The following HIF1A variants were observed in gnomAD, a reference collection of about 807,000 sequenced individuals.
HIF1A encodes hypoxia inducible factor 1 subunit alpha.
HIF1A carries 24 observed loss-of-function variants against 92.7 expected under a neutral mutation model. That is an observed-to-expected ratio of 0.26 (90% CI 0.19 to 0.36). The LOEUF is 0.36. HIF1A is among the 10% of genes least tolerant of loss of function. The pLI, the probability that HIF1A is intolerant of heterozygous loss-of-function variation, is 1.00. For missense variants in HIF1A, 799 were observed against 998.5 expected (o/e 0.80, Z 2.69); for synonymous variants, 319 against 338.7 (o/e 0.94, Z 0.64).
intron 7 of HIF1A, 23 bp from the exon 8 acceptor site, chr14:61,734,115 A>T (rs2044607609): frequency 6.7e-7 from 1 of 1,490,590 alleles, no homozygotes; most frequent in South Asian, 1.3e-5. Context: ...TCTCTGCATG[A>T]TTCTTTTTCT....
chr14:61,726,381 T>A (rs1415889452), intron 4 of HIF1A: 1 of 168,586 alleles, frequency 5.9e-6, no homozygotes, highest in East Asian at 1.6e-4. Context: ...GGGATTCTTG[T>A]GTACCGATAG....
At chr14:61,728,825 T>C (rs570446108) in intron 6 of HIF1A, among the ~76,000 whole-genome samples, 77 of 152,316 alleles carry the variant, frequency 5.1e-4, no homozygotes, top group African/African-American at 1.8e-3. Context: ...AAAGTGGGTG[T>C]CCTAATGTGA....
intron 1 of HIF1A, 47 bp from the exon 2 acceptor site, chr14:61,720,335 C>T (rs763396381): frequency 2.8e-6 from 4 of 1,414,544 alleles, no homozygotes; most frequent in Non-Finnish European, 3.9e-6. Flanking sequence ...GGCAAACTAA[C>T]TTGTATACAC....
chr14:61,746,397 T>TC (rs1180222702), intron 14 of HIF1A, among the ~76,000 whole-genome samples: 10 of 7,832 alleles, frequency 1.3e-3, no homozygotes, highest in African/African-American at 2.4e-3. Flanking sequence ...GACTTCTTTT[T>TC]TTTTTTTTTT....
At chr14:61,729,802 T>G (rs1477234418) in intron 6 of HIF1A, among the ~76,000 whole-genome samples, 2 of 151,958 alleles carry the variant, frequency 1.3e-5, no homozygotes, top group Non-Finnish European at 2.9e-5. Context: ...ATTAGCAAAA[T>G]GATCATGACA....
At chr14:61,703,059 C>T (rs905258218) in intron 1 of HIF1A, among the ~76,000 whole-genome samples, 1 of 152,032 alleles carries the variant, frequency 6.6e-6, no homozygotes, top group East Asian at 1.9e-4. Context: ...GTCTGTTTTA[C>T]CATTACTGCC....
chr14:61,732,500 C>T lies in HIF1A; in HGVS notation c.856C>T (p.His286Tyr), dbSNP rs755050964. 15 of 1,604,600 alleles carry T rather than the reference C, an allele frequency of 9.3e-6. No homozygotes were observed. Among genetic ancestry groups the T allele is most frequent in the East Asian group, 2.2e-5 (1 of 44,758 alleles). ...YEYYHALDSD[H>Y]LTKTHHDMFT... ...ATATTATCATGCTTTGGACTCTGATCATCTGACCAAAACTCATCATGATAG... is the reference window on the plus strand; with the variant it reads ...ATATTATCATGCTTTGGACTCTGATTATCTGACCAAAACTCATCATGATAG... Residue 286 changes from histidine to tyrosine, a missense_variant, in exon 7 of 15, where the codon CAT becomes TAT. Around this residue, in one of 2 missense-constraint regions of HIF1A, gnomAD observed 516 missense variants for 721.0 expected, o/e 0.72. Coordinates refer to ENST00000337138, the MANE Select transcript of HIF1A (RefSeq NM_001530.4).
chr14:61,705,419 A>T (rs2044228801), intron 1 of HIF1A, among the ~76,000 whole-genome samples: 2 of 150,854 alleles, frequency 1.3e-5, no homozygotes, highest in Non-Finnish European at 3.0e-5. Flanking sequence ...CTTTAACTCT[A>T]TTAAACAAAG....
chr14:61,742,617 G>T (rs1442453701), intron 12 of HIF1A, among the ~76,000 whole-genome samples: 1 of 152,102 alleles, frequency 6.6e-6, no homozygotes, highest in Admixed American at 6.5e-5. Context: ...AGGGCGCAGT[G>T]GCTCATCACT....
In HIF1A at chr14:61,747,281, G is replaced by C; in HGVS notation, c.*196G>C. 2.5e-6 allele frequency: 1 copy of C among 398,656 alleles called. No individual in the cohort carries two copies. The highest frequency in any genetic ancestry group is 4.4e-6 in the Non-Finnish European group (1 of 226,138). 24.7% of individuals were successfully genotyped at this position (398,656 alleles called of 1,614,324 possible). A position where few individuals can be genotyped will look rare whatever the true frequency, so the allele number is the denominator to read the frequency against. On this transcript the variant is annotated 3_prime_UTR_variant, in exon 15 of 15. Coordinates refer to ENST00000337138, the MANE Select transcript of HIF1A (RefSeq NM_001530.4). ...GTATGTTCTTTAATGCTGGATCACAGACAGCTCATTTTCTCAGTTTTTTGG... is the reference window on the plus strand; with the variant it reads ...GTATGTTCTTTAATGCTGGATCACACACAGCTCATTTTCTCAGTTTTTTGG...
chr14:61,745,788 A>G lies in HIF1A; in HGVS notation c.2300A>G (p.Glu767Gly). ...GCKSSEQNGM[E>G]QKTIILIPSD... ...AAATCTAGTGAACAGAATGGAATGG[A>G]GCAAAAGACAATTATTTTAATACCC... Residue 767 changes from glutamate to glycine, a missense_variant, in exon 14 of 15, where the codon GAG (glutamate) becomes GGG (glycine). Transcript: ENST00000337138. 6.2e-7 allele frequency: 1 copy of G among 1,612,168 alleles called. No homozygotes were observed. The highest frequency in any genetic ancestry group is 8.5e-7 in the Non-Finnish European group (1 of 1,178,536).
intron 7 of HIF1A, 107 bp downstream of exon 7, chr14:61,732,631 T>C (rs1012202208): frequency 2.8e-5 from 19 of 670,268 alleles, no homozygotes; most frequent in African/African-American, 2.7e-4. Flanking sequence ...CTAGACTAAA[T>C]GTGTTAACAG....
chr14:61,695,541 A>G lies in HIF1A; in HGVS notation c.-264A>G. On this transcript the variant is annotated 5_prime_UTR_variant, in exon 1 of 15. Transcript: ENST00000337138. ...GCACAGTGCTGCCTCGTCTGAGGGG[A>G]CAGGAGGATCACCCTCTTCGTCGCT... 2.0e-6 allele frequency: 1 copy of G among 506,460 alleles called. No homozygotes were observed. The highest frequency in any genetic ancestry group is 3.5e-6 in the Non-Finnish European group (1 of 283,622). 31.4% of individuals were successfully genotyped at this position (506,460 alleles called of 1,614,324 possible). A position where few individuals can be genotyped will look rare whatever the true frequency, so the allele number is the denominator to read the frequency against.
intron 1 of HIF1A, among the ~76,000 whole-genome samples, chr14:61,706,399 T>C (rs2044239773): frequency 6.6e-6 from 1 of 152,188 alleles, no homozygotes; most frequent in African/African-American, 2.4e-5. Flanking sequence ...TAAGGCAAAG[T>C]TTTACTAAAC....
chr14:61,709,362 A>C (rs1220420345), intron 1 of HIF1A, among the ~76,000 whole-genome samples: 3 of 152,244 alleles, frequency 2.0e-5, no homozygotes, highest in Non-Finnish European at 4.4e-5. Flanking sequence ...AAACACATGG[A>C]AAAGTATTAG....
intron 1 of HIF1A, 25 bp downstream of exon 1, chr14:61,695,864 G>A (rs1338646459): frequency 6.4e-7 from 1 of 1,558,280 alleles, no homozygotes; most frequent in South Asian, 1.2e-5. Context: ...TCGGCCCGCC[G>A]CCTTCTCCCC....
intron 6 of HIF1A, among the ~76,000 whole-genome samples, chr14:61,731,453 C>T (rs998378543): frequency 3.9e-5 from 6 of 152,156 alleles, no homozygotes; most frequent in Admixed American, 2.0e-4. Flanking sequence ...GGATTGTTTT[C>T]CAATCTATTT....
At position 61,734,160 on chromosome 14, in the gene HIF1A, C is replaced by A; in HGVS notation, c.903C>A (p.Thr301=). ...TAGTGTTTACTAAAGGACAAGTCAC[C>A]ACAGGACAGTACAGGATGCTTGCCA... ...HHDMFTKGQV[T]TGQYRMLAKR... is the part of the protein sequence containing the mutation. Residue 301 remains threonine, a synonymous_variant, in exon 8 of 15, where the codon ACC becomes ACA. Coordinates refer to ENST00000337138, the MANE Select transcript of HIF1A (RefSeq NM_001530.4). The A allele has an allele frequency of 6.2e-7, 1 of 1,604,904 alleles. No individual in the cohort carries two copies. The highest frequency in any genetic ancestry group is 1.7e-5 in the Admixed American group (1 of 58,656).
At chr14:61,729,843 T>G (rs928274959) in intron 6 of HIF1A, among the ~76,000 whole-genome samples, 2 of 152,138 alleles carry the variant, frequency 1.3e-5, no homozygotes, top group African/African-American at 4.8e-5. Flanking sequence ...CCAGCTCATA[T>G]ATCAACCAAG....
Sources: allele counts gnomAD v4.1 joint callset (sites outside exome capture counted in the v4.1 genomes callset), GRCh38; gene constraint gnomAD v4.1.1; regional missense constraint gnomAD v4.1.1; transcripts MANE v1.5; gene names NCBI Gene and HGNC (gene_info 2026-07-23, HGNC 2026-07-21).